SLC25A30: variants seen among roughly 807,000 people sequenced by gnomAD.
SLC25A30 encodes the protein solute carrier family 25 member 30.
A neutral mutation model predicts 42.7 loss-of-function variants in SLC25A30; 29 were observed. The ratio of observed to expected loss-of-function variants is 0.68; its 90% confidence interval spans 0.51 to 0.93. The LOEUF (loss-of-function observed/expected upper bound fraction) is 0.93, where lower values mean the gene tolerates loss of function less well. SLC25A30 is among the 40% of genes least tolerant of loss of function. The pLI is 0.00. For synonymous variants in SLC25A30, 124 were observed against 131.0 expected, an observed-to-expected ratio of 0.95 and a Z score of 0.37; for missense variants, 300 against 359.7, an observed-to-expected ratio of 0.83 and a Z score of 1.34.
chr13:45,403,034 G>A (rs751488434), intron 5 of SLC25A30, among the ~76,000 whole-genome samples: 3 of 152,138 alleles, frequency 2.0e-5, no homozygotes, highest in African/African-American at 7.2e-5. Flanking sequence ...GAGCAAATAC[G>A]TTACCACTAA....
At chr13:45,397,007 A>G in intron 9 of SLC25A30, 1 of 430,414 alleles carries the variant, frequency 2.3e-6, no homozygotes, top group Non-Finnish European at 4.1e-6. Context: ...AGCTTCTAGA[A>G]CAGAGTCTAA....
intron 5 of SLC25A30, among the ~76,000 whole-genome samples, chr13:45,404,030 C>T (rs1882261059): frequency 6.6e-6 from 1 of 151,536 alleles, no homozygotes; most frequent in Non-Finnish European, 1.5e-5. Flanking sequence ...TTTAATGAAC[C>T]AATAAAACAA....
chr13:45,395,170 C>A lies in SLC25A30; in HGVS notation c.*804G>T, dbSNP rs79183846. On this transcript the variant is annotated 3_prime_UTR_variant, in exon 10 of 10. Transcript: ENST00000519676. Reference sequence around the variant, plus strand: ...CCTCTACATCAATAGACGTTATTATCCCCATTTTACTCATTGAGAAATACA... The same window carrying A: ...CCTCTACATCAATAGACGTTATTATACCCATTTTACTCATTGAGAAATACA... 1.0e-6 allele frequency: 1 copy of A among 984,528 alleles called. No homozygotes were observed. 61.0% of individuals were successfully genotyped at this position (984,528 alleles called of 1,614,324 possible). A position where few individuals can be genotyped will look rare whatever the true frequency, so the allele number is the denominator to read the frequency against.
chr13:45,420,983 G>A (rs545886095), upstream of SLC25A30, among the ~76,000 whole-genome samples: 16 of 152,266 alleles, frequency 1.1e-4, no homozygotes, highest in East Asian at 3.1e-3. Context: ...GGCCCCTGCA[G>A]TAACCTTGGG....
At position 45,395,918 on chromosome 13, in the gene SLC25A30, T is replaced by C; in HGVS notation, c.*56A>G. 1 of 1,614,000 alleles carries C rather than the reference T, an allele frequency of 6.2e-7. No homozygotes were observed. Among genetic ancestry groups the C allele is most frequent in the African/African-American group, 1.3e-5 (1 of 75,040 alleles). ...AGAAGCAGAGTGAAACACAGGAAGC[T>C]TTGCTGTTTCAGAAGTTACCATTTT... On this transcript the variant is annotated 3_prime_UTR_variant, in exon 10 of 10. Transcript: ENST00000519676.
intron 6 of SLC25A30, among the ~76,000 whole-genome samples, chr13:45,402,059 C>CAA (rs66565783): frequency 0.03 from 2,454 of 82,444 alleles, 73 homozygotes; most frequent in Non-Finnish European, 0.033. Flanking sequence ...GACTCCATCT[C>CAA]AAAAAAAAAA....
At chr13:45,424,555 A>G in the SLC25A30 span, among the ~76,000 whole-genome samples, 5 of 46,392 alleles carry the variant, frequency 1.1e-4, no homozygotes, top group Non-Finnish European at 1.9e-4. Flanking sequence ...ATATATAAAT[A>G]TATATAAATG....
chr13:45,394,672 A>G lies in SLC25A30; in HGVS notation c.*1302T>C, dbSNP rs192630410. 1.0e-6 allele frequency: 1 copy of G among 985,120 alleles called. No individual in the cohort carries two copies. 61.0% of individuals were successfully genotyped at this position (985,120 alleles called of 1,614,324 possible). A position where few individuals can be genotyped will look rare whatever the true frequency, so the allele number is the denominator to read the frequency against. Reference sequence around the variant, plus strand: ...GGGCTCTTTCTCTGAAGCAGGTTAGAGTAAAGAATAAGAAAATAGAAAAAG... The same window carrying G: ...GGGCTCTTTCTCTGAAGCAGGTTAGGGTAAAGAATAAGAAAATAGAAAAAG... On this transcript the variant is annotated 3_prime_UTR_variant, in exon 10 of 10. Transcript: ENST00000519676.
intron 2 of SLC25A30, among the ~76,000 whole-genome samples, chr13:45,409,530 T>G (rs1409593777): frequency 6.6e-6 from 1 of 152,180 alleles, no homozygotes; most frequent in Non-Finnish European, 1.5e-5. Context: ...TTAATCTGGC[T>G]AGGCACAGTG....
intron 7 of SLC25A30, among the ~76,000 whole-genome samples, chr13:45,400,409 G>T (rs1195852428): frequency 6.6e-6 from 1 of 152,128 alleles, no homozygotes; most frequent in Non-Finnish European, 1.5e-5. Context: ...GTAACAGTGA[G>T]ACCCCGTCTC....
chr13:45,409,149 G>T, intron 2 of SLC25A30, 75 bp from the exon 3 acceptor site: 1 of 1,093,934 alleles, frequency 9.1e-7, no homozygotes, highest in Non-Finnish European at 1.2e-6. Flanking sequence ...ATATATTACT[G>T]AGGAAACATT....
chr13:45,424,995 A>AGTATAC, the SLC25A30 span, among the ~76,000 whole-genome samples: 6 of 12,602 alleles, frequency 4.8e-4, no homozygotes, highest in East Asian at 8.7e-3. Flanking sequence ...AATATATATA[A>AGTATAC]ATATATAAAT....
the SLC25A30 span, among the ~76,000 whole-genome samples, chr13:45,430,232 G>C: frequency 6.7e-6 from 1 of 148,684 alleles, no homozygotes; most frequent in East Asian, 1.9e-4. Flanking sequence ...ATAATGAAAT[G>C]ATAGTGAGAA....
chr13:45,400,242 C>T (rs1186936619), intron 7 of SLC25A30, among the ~76,000 whole-genome samples: 1 of 151,510 alleles, frequency 6.6e-6, no homozygotes, highest in Non-Finnish European at 1.5e-5. Context: ...GGTGACATGG[C>T]AAAACCTCAG....
the SLC25A30 span, among the ~76,000 whole-genome samples, chr13:45,425,341 T>C: frequency 9.2e-5 from 10 of 109,268 alleles, no homozygotes; most frequent in African/African-American, 3.7e-4. Flanking sequence ...TATATAAGTA[T>C]ATATAACTAT....
At chr13:45,433,029 T>C in the SLC25A30 span, among the ~76,000 whole-genome samples, 2 of 42,742 alleles carry the variant, frequency 4.7e-5, no homozygotes, top group Non-Finnish European at 9.1e-5. Context: ...TGAGACTCTT[T>C]CTCAAAAAAA....
upstream of SLC25A30, among the ~76,000 whole-genome samples, chr13:45,420,540 G>A (rs1451729733): frequency 1.3e-5 from 2 of 152,056 alleles, no homozygotes; most frequent in African/African-American, 4.8e-5. Flanking sequence ...TACATACAAA[G>A]CACTGGATTC....
chr13:45,411,267 C>T (rs1481004406), intron 2 of SLC25A30, 95 bp downstream of exon 2: 1 of 999,626 alleles, frequency 1.0e-6, no homozygotes, highest in East Asian at 2.4e-5. Context: ...CTGAGACAAA[C>T]ATTTCATCAT....
chr13:45,400,051 C>T lies in SLC25A30; in HGVS notation c.615-973G>A, dbSNP rs1364705022. On this transcript the variant is annotated intron_variant, in intron 7 of 9. Coordinates refer to ENST00000519676, the MANE Select transcript of SLC25A30 (RefSeq NM_001010875.4). ...ATATATATACACACACACACACACA[C>T]ACACACACACACACATATGAATGAT... is the stretch of plus-strand genomic sequence containing the variant. 1.5e-3 allele frequency among the ~76,000 whole-genome samples: 181 copies of T among 123,504 alleles called. No homozygotes were observed. The South Asian group carries it at 0.018, about 12-fold the overall frequency. The allele number at this position is 123,504 out of a possible 152,430, so 81.0% of individuals were successfully genotyped here. A position where few individuals can be genotyped will look rare whatever the true frequency, so the allele number is the denominator to read the frequency against.
Sources: gnomAD v4.1 joint callset for allele counts (sites outside exome capture counted in the v4.1 genomes callset) on GRCh38, gnomAD v4.1.1 for gene constraint, MANE v1.5 for transcripts, NCBI Gene and HGNC (gene_info 2026-07-23, HGNC 2026-07-21) for gene names.